The following MCC variants were observed in gnomAD, a reference collection of about 807,000 sequenced individuals.
MCC encodes the protein colorectal mutant cancer protein.
In MCC, 90 loss-of-function variants were observed where a neutral mutation model predicts 116.2. The observed-to-expected ratio is 0.77, with a 90% confidence interval of 0.65 to 0.92. The LOEUF (loss-of-function observed/expected upper bound fraction) is 0.92. Ranked by LOEUF, MCC falls within the 40% of genes least tolerant of loss-of-function variation. The pLI is 0.00. For synonymous variants in MCC, 578 were observed against 510.5 expected (o/e 1.13, Z -1.78); for missense variants, 1,516 against 1,312.2 (o/e 1.16, Z -2.40).
intron 3 of MCC, among the ~76,000 whole-genome samples, chr5:113,288,519 G>A (rs1459646173): frequency 6.6e-6 from 1 of 152,146 alleles, no homozygotes; most frequent in Non-Finnish European, 1.5e-5. Context: ...TTAGGGCTCT[G>A]GAAAGTCAAT....
chr5:113,043,447 CT>C, intron 17 of MCC, 82 bp downstream of exon 17: 1 of 1,275,282 alleles, frequency 7.8e-7, no homozygotes. Flanking sequence ...GCACCTTCTC[CT>C]TTTGGGAGCA....
At chr5:113,457,293 G>C (rs979729465) in intron 1 of MCC, among the ~76,000 whole-genome samples, 5 of 152,372 alleles carry the variant, frequency 3.3e-5, no homozygotes, top group African/African-American at 1.2e-4. Flanking sequence ...ACCCGGGCCA[G>C]CGGCTGCGGA....
chr5:113,231,059 T>C (rs149330135), intron 3 of MCC, among the ~76,000 whole-genome samples: 5 of 151,734 alleles, frequency 3.3e-5, no homozygotes, highest in African/African-American at 1.2e-4. Context: ...GAAAAGCAAA[T>C]CCTCTTCTCC....
intron 3 of MCC, among the ~76,000 whole-genome samples, chr5:113,189,384 T>A (rs1762046780): frequency 6.6e-6 from 1 of 152,196 alleles, no homozygotes. Flanking sequence ...CAGAAGAGAA[T>A]GCTGCTTGAA....
At chr5:113,270,592 T>C (rs1765574355) in intron 3 of MCC, among the ~76,000 whole-genome samples, 1 of 150,158 alleles carries the variant, frequency 6.7e-6, no homozygotes, top group Admixed American at 6.7e-5. Context: ...CCTACCTAAC[T>C]CCCTGTATCC....
chr5:113,128,410 A>G (rs1758210466), intron 5 of MCC, among the ~76,000 whole-genome samples: 3 of 152,224 alleles, frequency 2.0e-5, no homozygotes, highest in Admixed American at 2.0e-4. Context: ...TTAAAGAACA[A>G]AGTTTTTTGT....
At chr5:113,307,986 T>C (rs911616608) in intron 3 of MCC, among the ~76,000 whole-genome samples, 19 of 152,006 alleles carry the variant, frequency 1.2e-4, no homozygotes, top group Non-Finnish European at 2.2e-4. Context: ...TTTTTTTTTT[T>C]TCTAAAGACA....
chr5:113,084,176 C>T lies in MCC; in HGVS notation c.1560G>A (p.Val520=), dbSNP rs1174221572. 1.9e-6 allele frequency: 3 copies of T among 1,613,944 alleles called. No homozygotes were observed. The highest frequency in any genetic ancestry group is 1.3e-5 in the African/African-American group (1 of 74,928). The change falls in exon 10 of 19, where the codon GTG becomes GTA. Residue 520 remains valine, a synonymous_variant. Coordinates refer to ENST00000408903, the MANE Select transcript of MCC (RefSeq NM_001085377.2). The part of the protein sequence containing the change: ...DIPIAKIAER[V]KLSKTRSESS... ...ATTCGGACCTTGTCTTTGATAGCTT[C>T]ACCCTCTCAGCAATCTTAAAAAAGA...
At chr5:113,412,326 G>T (rs1194499827) in intron 1 of MCC, among the ~76,000 whole-genome samples, 1 of 152,198 alleles carries the variant, frequency 6.6e-6, no homozygotes, top group Non-Finnish European at 1.5e-5. Context: ...TTGGTAGCTT[G>T]ATGGGGATGG....
rs930836690 is a variant in MCC, at chr5:113,085,287, T to C, written c.1422A>G (p.Leu474=). Residue 474 remains leucine, a synonymous_variant, in exon 9 of 19, where the codon CTA becomes CTG. Transcript: ENST00000408903. ...RRRVRELQTR[L]QSVQATGPSS... ...AGGGACCTGTGGCCTGCACGCTCTG[T>C]AGTCGAGTTTGAAGCTCTCTGACCT... The C allele has an allele frequency of 5.0e-6, 8 of 1,613,318 alleles. No homozygotes were observed. The African/African-American group carries it at 9.3e-5, about 19-fold the overall frequency.
At chr5:113,345,421 C>T (rs901765371) in intron 2 of MCC, among the ~76,000 whole-genome samples, 3 of 152,190 alleles carry the variant, frequency 2.0e-5, no homozygotes, top group African/African-American at 7.2e-5. Flanking sequence ...TGAACATAGG[C>T]AGTAGCCACA....
chr5:113,325,893 A>G (rs1273533402), intron 3 of MCC, among the ~76,000 whole-genome samples: 2 of 152,194 alleles, frequency 1.3e-5, no homozygotes, highest in Non-Finnish European at 2.9e-5. Context: ...TAACAGACAC[A>G]TGATCTTAAT....
intron 1 of MCC, among the ~76,000 whole-genome samples, chr5:113,403,165 C>A (rs902165964): frequency 6.6e-6 from 1 of 152,082 alleles, no homozygotes; most frequent in Non-Finnish European, 1.5e-5. Flanking sequence ...CTATCCCTTA[C>A]CTTATAGATT....
intron 8 of MCC, among the ~76,000 whole-genome samples, chr5:113,088,848 T>A (rs1755389413): frequency 6.6e-6 from 1 of 152,198 alleles, no homozygotes. Flanking sequence ...CTCACTATGT[T>A]GTGTTGCCCA....
chr5:113,063,697 G>C (rs553995200), intron 14 of MCC, among the ~76,000 whole-genome samples: 1 of 152,196 alleles, frequency 6.6e-6, no homozygotes, highest in Admixed American at 6.5e-5. Flanking sequence ...CAGAGAAAAT[G>C]GATCTGACAG....
intron 3 of MCC, among the ~76,000 whole-genome samples, chr5:113,229,362 C>CT (rs1168671961): frequency 1.3e-5 from 2 of 152,304 alleles, no homozygotes; most frequent in African/African-American, 4.8e-5. Flanking sequence ...TAAGTAAATA[C>CT]TTAATGATAA....
Position 113,441,642 on chromosome 5 carries a change from T to A in MCC, c.170+46603A>T, listed in dbSNP as rs1170938546. Reference sequence around the variant, plus strand: ...ACATTAGGTATTTCTCCTAATACTATCCCCTCCTCTAACCCCCTACCCTGG... The same window carrying A: ...ACATTAGGTATTTCTCCTAATACTAACCCCTCCTCTAACCCCCTACCCTGG... On this transcript the variant is annotated intron_variant, in intron 1 of 18. Transcript: ENST00000408903. 4.7e-4 allele frequency among the ~76,000 whole-genome samples: 72 copies of A among 152,098 alleles called. 1 individual carries two copies. Among genetic ancestry groups the A allele is most frequent in the Admixed American group, 4.7e-3 (71 of 15,266 alleles).
chr5:113,278,328 G>C (rs1765904088), intron 3 of MCC, among the ~76,000 whole-genome samples: 1 of 152,200 alleles, frequency 6.6e-6, no homozygotes, highest in Non-Finnish European at 1.5e-5. Context: ...TCACTAGAAA[G>C]TGAATGCTGA....
chr5:113,190,264 G>C (rs1345789307), intron 3 of MCC, among the ~76,000 whole-genome samples: 1 of 152,116 alleles, frequency 6.6e-6, no homozygotes, highest in Non-Finnish European at 1.5e-5. Context: ...AACTGGTAGG[G>C]CTCTAACAAG....
Sources: allele counts gnomAD v4.1 joint callset (sites outside exome capture counted in the v4.1 genomes callset), GRCh38; gene constraint gnomAD v4.1.1; transcripts MANE v1.5; gene names NCBI Gene and HGNC (gene_info 2026-07-23, HGNC 2026-07-21).